Variants in MBD5 observed in about 807,000 individuals in gnomAD.
The protein encoded by MBD5 is methyl-CpG binding domain protein 5.
MBD5 carries 13 observed loss-of-function variants against 117.3 expected under a neutral mutation model. That is an observed-to-expected ratio of 0.11 (90% CI 0.07 to 0.18). The LOEUF (loss-of-function observed/expected upper bound fraction) is 0.18. Among genes scored for constraint, MBD5 ranks in the 10% least tolerant of loss-of-function variants. MBD5 has a pLI of 1.00. For missense variants in MBD5, 1,879 were observed against 2,093.8 expected, an observed-to-expected ratio of 0.90 and a Z score of 2.00; for synonymous variants, 727 against 766.4, an observed-to-expected ratio of 0.95 and a Z score of 0.85.
chr2:148,278,176 T>G (rs1160041047), intron 3 of MBD5, among the ~76,000 whole-genome samples: 1 of 152,246 alleles, frequency 6.6e-6, no homozygotes, highest in Non-Finnish European at 1.5e-5. Flanking sequence ...TTTCACTTAA[T>G]ATCATGTATT....
chr2:148,293,963 A>C (rs756065470), intron 3 of MBD5, among the ~76,000 whole-genome samples: 5 of 152,192 alleles, frequency 3.3e-5, no homozygotes, highest in Non-Finnish European at 7.3e-5. Context: ...TCGATCAATT[A>C]AGGAAAGAAG....
chr2:148,246,763 C>CAAA (rs71406014), intron 3 of MBD5, among the ~76,000 whole-genome samples: 12,271 of 69,388 alleles, frequency 0.18, 1,765 homozygotes, highest in Non-Finnish European at 0.23. Flanking sequence ...GACTCCATCT[C>CAAA]AAAAAAAAAA....
chr2:148,199,579 G>A (rs1252286634), intron 2 of MBD5, among the ~76,000 whole-genome samples: 1 of 152,004 alleles, frequency 6.6e-6, no homozygotes, highest in East Asian at 1.9e-4. Flanking sequence ...ACCAGCCTGG[G>A]CATGATGGTG....
chr2:148,504,059 A>G (rs1304678294), intron 12 of MBD5, among the ~76,000 whole-genome samples: 4 of 152,284 alleles, frequency 2.6e-5, no homozygotes, highest in Middle Eastern at 6.8e-3. Flanking sequence ...TTCCCCATGT[A>G]TTTGCTATTA....
intron 11 of MBD5, 127 bp downstream of exon 11, chr2:148,490,721 A>G (rs1429887138): frequency 7.6e-6 from 9 of 1,186,226 alleles, no homozygotes; most frequent in Middle Eastern, 5.4e-4. Flanking sequence ...TTGAGGTCTC[A>G]CAAGCTTCTG....
Position 148,254,121 on chromosome 2 carries a change from A to G in MBD5, c.-680+20726A>G, listed in dbSNP as rs1389406605. 3.9e-5 allele frequency among the ~76,000 whole-genome samples: 6 copies of G among 152,176 alleles called. No individual in the cohort carries two copies. In the East Asian group the frequency reaches 7.7e-4, roughly 20 times the overall value. On this transcript the variant is annotated intron_variant, in intron 3 of 13. Transcript: ENST00000642680. ...GATCCCAGCTATGCCACTCATGACT[A>G]TTAGGGCCCAGCATAGGCCAGAGCC...
chr2:148,438,674 A>G (rs1416105358), intron 4 of MBD5, among the ~76,000 whole-genome samples: 1 of 152,172 alleles, frequency 6.6e-6, no homozygotes, highest in Non-Finnish European at 1.5e-5. Context: ...TGATGGGTGA[A>G]AAGTCTCATT....
Position 148,463,853 on chromosome 2 carries a change from A to C in MBD5, c.331A>C (p.Thr111Pro), listed in dbSNP as rs552579466. 1 of 1,613,628 alleles carries C rather than the reference A, an allele frequency of 6.2e-7. No homozygotes were observed. The highest frequency in any genetic ancestry group is 8.5e-7 in the Non-Finnish European group (1 of 1,179,762). The change falls in exon 7 of 14, where the codon ACA becomes CCA. Residue 111 changes from threonine to proline, a missense_variant. Thr to Pro is a conservative substitution (Grantham distance 38). Around this residue, in one of 4 missense-constraint regions of MBD5, gnomAD observed 1,666 missense variants for 1,792.2 expected, o/e 0.93. Transcript: ENST00000642680. ...IHKRKIIAVATLHKSMEAPHP... is the reference protein window; with the variant it reads ...IHKRKIIAVAPLHKSMEAPHP... ...TAAAAGAAAAATTATTGCAGTGGCC[A>C]CACTTCATAAAAGCATGGAAGCCCC...
rs189899945 is a variant in MBD5 at position 148,256,760 on chromosome 2, A to T, written c.-680+23365A>T. ...CGAGAATGGGGGGACACCCTCCCTT[A>T]AATGCTGAAGGCTCAGGGTCTAGGG... On this transcript the variant is annotated intron_variant, in intron 3 of 13. Coordinates refer to ENST00000642680, the MANE Select transcript of MBD5 (RefSeq NM_001378120.1). Among the ~76,000 whole-genome samples, 6 of 152,336 alleles carry T rather than the reference A, an allele frequency of 3.9e-5. No individual in the cohort carries two copies. In the East Asian group the frequency reaches 1.2e-3, roughly 29 times the overall value.
At chr2:148,021,806 GGGGTGAAGGAGGGGTTGGAGTAGGGA>G (rs1206300416) in intron 1 of MBD5, 122 bp downstream of exon 1, 2 of 209,074 alleles carry the variant, frequency 9.6e-6, no homozygotes, top group East Asian at 2.8e-4. Context: ...GGTGCTGGGG[GGGGTGAAGGAGGGGTTGGAGTAGGGA>G]GGGGTGTGTG....
chr2:148,119,800 G>A (rs1299083043), intron 1 of MBD5, among the ~76,000 whole-genome samples: 1 of 152,058 alleles, frequency 6.6e-6, no homozygotes, highest in Non-Finnish European at 1.5e-5. Flanking sequence ...TCCAAAAACA[G>A]TTGACTGCAA....
chr2:148,024,645 TTATCTC>T (rs1693848620), intron 1 of MBD5, among the ~76,000 whole-genome samples: 1 of 152,196 alleles, frequency 6.6e-6, no homozygotes, highest in Admixed American at 6.5e-5. Flanking sequence ...CATTTTTTCT[TTATCTC>T]TACTGTGGCT....
Position 148,469,212 on chromosome 2 carries a change from A to T in MBD5, c.1269A>T (p.Val423=), listed in dbSNP as rs746576866. The T allele has an allele frequency of 5.3e-5, 86 of 1,613,950 alleles. 1 individual carries two copies. The highest frequency in any genetic ancestry group is 7.0e-5 in the Non-Finnish European group (83 of 1,179,990). ...KPGHMNHGSH[V]QRVQHSASTS... Reference sequence around the variant, plus strand: ...GTCACATGAATCATGGGAGTCATGTACAAAGAGTTCAGCATTCAGCTTCAA... The same window carrying T: ...GTCACATGAATCATGGGAGTCATGTTCAAAGAGTTCAGCATTCAGCTTCAA... Residue 423 remains valine, a synonymous_variant, in exon 8 of 14, where the codon GTA becomes GTT. Transcript: ENST00000642680.
intron 2 of MBD5, among the ~76,000 whole-genome samples, chr2:148,211,613 C>A (rs1444995453): frequency 6.6e-6 from 1 of 151,962 alleles, no homozygotes; most frequent in Non-Finnish European, 1.5e-5. Context: ...AACTCTTTTA[C>A]AATTTTTTTT....
chr2:148,316,097 A>C (rs144442915), intron 3 of MBD5, among the ~76,000 whole-genome samples: 1 of 152,254 alleles, frequency 6.6e-6, no homozygotes, highest in African/African-American at 2.4e-5. Context: ...AAACAACCAG[A>C]TCTCATGAGA....
chr2:148,489,703 T>A lies in MBD5; in HGVS notation c.4071T>A (p.Ser1357Arg), dbSNP rs1246420113. The A allele has an allele frequency of 2.5e-6, 4 of 1,614,066 alleles. No individual in the cohort carries two copies. In the Middle Eastern group the frequency reaches 4.9e-4, roughly 200 times the overall value. Reference sequence around the variant, plus strand: ...CCATTCCAGCTCTGAGTGCCATGAGTGCCTTCACTGCCTCAATTGGTGACC... The same window carrying A: ...CCATTCCAGCTCTGAGTGCCATGAGAGCCTTCACTGCCTCAATTGGTGACC... Reference protein sequence around the residue: ...ISPIPALSAMSAFTASIGDPL... With the variant: ...ISPIPALSAMRAFTASIGDPL... Residue 1357 changes from serine (S) to arginine (R), a missense_variant, in exon 11 of 14, where the codon AGT becomes AGA. This residue lies in a region of MBD5 where 1,666 missense variants were observed against 1,792.2 expected (regional missense o/e 0.93). Coordinates refer to ENST00000642680, the MANE Select transcript of MBD5 (RefSeq NM_001378120.1).
At chr2:148,292,531 C>T (rs1701522758) in intron 3 of MBD5, among the ~76,000 whole-genome samples, 3 of 152,106 alleles carry the variant, frequency 2.0e-5, no homozygotes, top group Non-Finnish European at 4.4e-5. Context: ...CCTCTCACCC[C>T]AATTAAAATG....
chr2:148,478,774 A>AT (rs1449499226), intron 8 of MBD5, among the ~76,000 whole-genome samples: 1 of 152,196 alleles, frequency 6.6e-6, no homozygotes, highest in Non-Finnish European at 1.5e-5. Context: ...CCAGTGTGAA[A>AT]TAATCATTTT....
Position 148,226,771 on chromosome 2 carries a change from C to T in MBD5, c.-830-6474C>T, listed in dbSNP as rs1699834395. ...CTATTTCTCTACATCCTCTCCAGCA[C>T]CTGTTGTTTCCTGACTTTTTAATGA... On this transcript the variant is annotated intron_variant, in intron 2 of 13. Coordinates refer to ENST00000642680, the MANE Select transcript of MBD5 (RefSeq NM_001378120.1). Among the ~76,000 whole-genome samples, 6 of 152,262 alleles carry T rather than the reference C, an allele frequency of 3.9e-5. No individual in the cohort carries two copies. In the Middle Eastern group the frequency reaches 0.014, roughly 345 times the overall value.
Sources: gnomAD v4.1 joint callset for allele counts (sites outside exome capture counted in the v4.1 genomes callset) on GRCh38, gnomAD v4.1.1 for gene constraint, gnomAD v4.1.1 regional missense constraint, MANE v1.5 for transcripts, NCBI Gene and HGNC (gene_info 2026-07-23, HGNC 2026-07-21) for gene names.